ANAPC1: variants seen among roughly 807,000 people sequenced by gnomAD.
ANAPC1 encodes anaphase-promoting complex subunit 1.
ANAPC1 carries 36 observed loss-of-function variants against 208.0 expected under a neutral mutation model. That is an observed-to-expected ratio of 0.17 (90% CI 0.13 to 0.23). The LOEUF (loss-of-function observed/expected upper bound fraction) is 0.23, where lower values mean the gene tolerates loss of function less well. ANAPC1 is among the 10% of genes least tolerant of loss of function. ANAPC1 has a pLI of 1.00. For synonymous variants in ANAPC1, 378 were observed against 695.2 expected, an observed-to-expected ratio of 0.54 and a Z score of 7.18; for missense variants, 942 against 2,011.6, an observed-to-expected ratio of 0.47 and a Z score of 10.17.
rs151192849 is a variant in ANAPC1, at chr2:111,781,934, A to C, written c.5202+435T>G. ...CTAATAAAAGAAGTCTGAATCTGTC[A>C]TCAGTTTATCCTCACCAAGATTAAG... On this transcript the variant is annotated intron_variant, in intron 43 of 47. Transcript: ENST00000341068. 8.9e-3 allele frequency among the ~76,000 whole-genome samples: 1,353 copies of C among 152,316 alleles called. 3 individuals carry two copies. Among genetic ancestry groups the C allele is most frequent in the South Asian group, 0.026 (127 of 4,814 alleles).
intron 19 of ANAPC1, 138 bp downstream of exon 19, chr2:111,834,466 A>T: frequency 8.3e-7 from 1 of 1,201,058 alleles, no homozygotes; most frequent in Non-Finnish European, 1.1e-6. Context: ...TCTGTGGTTT[A>T]CAGAGATGCC....
At chr2:111,867,116 C>T (rs558817752) in intron 7 of ANAPC1, among the ~76,000 whole-genome samples, 4 of 151,806 alleles carry the variant, frequency 2.6e-5, no homozygotes, top group African/African-American at 9.7e-5. Flanking sequence ...CATGGTGAAA[C>T]TACGTCTCTA....
At chr2:111,785,833 T>A (rs1677516692) in intron 39 of ANAPC1, among the ~76,000 whole-genome samples, 2 of 146,202 alleles carry the variant, frequency 1.4e-5, no homozygotes, top group Non-Finnish European at 1.5e-5. Flanking sequence ...TCTGTTTTTA[T>A]CTTCTCAGAT....
intron 20 of ANAPC1, among the ~76,000 whole-genome samples, chr2:111,832,762 T>C (rs190781082): frequency 1.7e-3 from 257 of 151,774 alleles, no homozygotes; most frequent in Middle Eastern, 6.8e-3. Context: ...ACCTCGTCTC[T>C]AATAACAATA....
rs777172275 is a variant in ANAPC1 at position 111,772,438 on chromosome 2, C to T, written c.5622G>A (p.Gly1874=). 5.0e-6 allele frequency: 8 copies of T among 1,586,586 alleles called. No individual in the cohort carries two copies. The highest frequency in any genetic ancestry group is 6.9e-6 in the Non-Finnish European group (8 of 1,162,986). ...TCAGCTGTGATTCCTCCAAGGGCTG[C>T]CCGCTGAGGTAGGCGTGCACACACA... ...GDMCVHAYLS[G]QPLEESQLSM... is the part of the protein sequence containing the mutation. Residue 1874 remains glycine (G), a synonymous_variant, in exon 47 of 48, where the codon GGG becomes GGA. Transcript: ENST00000341068.
In ANAPC1 at chr2:111,858,803, T is replaced by C. The variant is rs1271829460; in HGVS notation, c.1263-402A>G. On this transcript the variant is annotated intron_variant, in intron 10 of 47. Coordinates refer to ENST00000341068, the MANE Select transcript of ANAPC1 (RefSeq NM_022662.4). ...AAAAAAAAAGTCTTTGAAAATATTC[T>C]GCAAGAAATCTAAAAACTACTTAGG... Among the ~76,000 whole-genome samples, 5 of 151,184 alleles carry C rather than the reference T, an allele frequency of 3.3e-5. No homozygotes were observed. The East Asian group carries it at 9.7e-4, about 29-fold the overall frequency.
At position 111,831,570 on chromosome 2, in the gene ANAPC1, TG is replaced by T. The variant is rs1343981344; in HGVS notation, c.2477-137del. ...ATAATATTTTTCCAGCTGGGTGCAG[TG>T]GCTCACGCCTGTAACCCCAGTACTT... On this transcript the variant is annotated intron_variant, in intron 20 of 47. Coordinates refer to ENST00000341068, the MANE Select transcript of ANAPC1 (RefSeq NM_022662.4). 71 of 812,710 alleles carry T rather than the reference TG, an allele frequency of 8.7e-5. 1 individual carries two copies. Among genetic ancestry groups the T allele is most frequent in the Admixed American group, 6.3e-4 (24 of 38,026 alleles). The allele number at this position is 812,710 out of a possible 1,614,324, so 50.3% of individuals were successfully genotyped here.
chr2:111,801,140 G>C (rs1406239186), intron 33 of ANAPC1, among the ~76,000 whole-genome samples: 2 of 151,932 alleles, frequency 1.3e-5, no homozygotes, highest in Non-Finnish European at 2.9e-5. Context: ...GCAGATCACT[G>C]AAGCCCAGGA....
intron 2 of ANAPC1, among the ~76,000 whole-genome samples, chr2:111,880,310 T>A (rs1268094898): frequency 2.6e-5 from 4 of 152,154 alleles, no homozygotes; most frequent in Admixed American, 1.3e-4. Flanking sequence ...AGGCAGAGGT[T>A]GCGGTGAGCC....
intron 16 of ANAPC1, among the ~76,000 whole-genome samples, chr2:111,845,824 A>C (rs944960062): frequency 6.6e-6 from 1 of 151,768 alleles, no homozygotes; most frequent in African/African-American, 2.4e-5. Context: ...AATACAAAAA[A>C]ATTAGCCGGG....
chr2:111,841,016 C>A (rs1433193007), intron 17 of ANAPC1, among the ~76,000 whole-genome samples: 4 of 152,152 alleles, frequency 2.6e-5, no homozygotes, highest in African/African-American at 9.7e-5. Flanking sequence ...GCATTCCAGC[C>A]TAGACGACAG....
At position 111,872,664 on chromosome 2, in the gene ANAPC1, C is replaced by T. The variant is rs368190060; in HGVS notation, c.577G>A (p.Ala193Thr). ...CCTGGAGGTACTTCATGTGAAGAAG[C>T]GCTTCGTTCAAACAGCAATCCATAT... ...TKYGLLFERS[A>T]SSHEVPPGSP... The change falls in exon 6 of 48, where the codon GCT (alanine) becomes ACT (threonine). Residue 193 changes from alanine to threonine, a missense_variant. Coordinates refer to ENST00000341068, the MANE Select transcript of ANAPC1 (RefSeq NM_022662.4). 28 of 1,613,452 alleles carry T rather than the reference C, an allele frequency of 1.7e-5. No homozygotes were observed. The highest frequency in any genetic ancestry group is 6.7e-5 in the African/African-American group (5 of 74,874).
At position 111,884,089 on chromosome 2, in the gene ANAPC1, T is replaced by G. The variant is rs3814026; in HGVS notation, c.-172A>C. ...CTCATTCCCTCTCCCTCCCCTATTCTGGAGGAAGAACGGGCAACAGCAGCG... is the reference window on the plus strand; with the variant it reads ...CTCATTCCCTCTCCCTCCCCTATTCGGGAGGAAGAACGGGCAACAGCAGCG... On this transcript the variant is annotated 5_prime_UTR_variant, in exon 1 of 48. Coordinates refer to ENST00000341068, the MANE Select transcript of ANAPC1 (RefSeq NM_022662.4). 1 of 152,264 alleles carries G rather than the reference T, an allele frequency of 6.6e-6. No homozygotes were observed. The highest frequency in any genetic ancestry group is 1.9e-4 in the East Asian group (1 of 5,160). The allele number at this position is 152,264 out of a possible 1,614,324, so 9.4% of individuals were successfully genotyped here.
chr2:111,769,988 G>A (rs1485489546), intron 47 of ANAPC1, among the ~76,000 whole-genome samples: 3 of 151,444 alleles, frequency 2.0e-5, no homozygotes, highest in Non-Finnish European at 4.4e-5. Flanking sequence ...AGCCTCGGCT[G>A]AGCATTCTTA....
In ANAPC1 at chr2:111,834,843, G is replaced by A; in HGVS notation, c.2145C>T (p.Tyr715=). 6.2e-7 allele frequency: 1 copy of A among 1,603,042 alleles called. No homozygotes were observed. The highest frequency in any genetic ancestry group is 1.3e-5 in the African/African-American group (1 of 74,486). Residue 715 remains tyrosine (Y), a synonymous_variant, in exon 19 of 48, where the codon TAC becomes TAT. Transcript: ENST00000341068. Reference sequence around the variant, plus strand: ...AAAGATGAGACTCAACATTCTGGTGGTAGTCTGAATTTAGTAAATATTCCC... The same window carrying A: ...AAAGATGAGACTCAACATTCTGGTGATAGTCTGAATTTAGTAAATATTCCC... ...DDWEYLLNSD[Y]HQNVESHLLN... is the part of the protein sequence containing the mutation.
chr2:111,781,887 A>G (rs1361609710), intron 43 of ANAPC1, among the ~76,000 whole-genome samples: 1 of 152,300 alleles, frequency 6.6e-6, no homozygotes, highest in Non-Finnish European at 1.5e-5. Context: ...GCAGTCGAGT[A>G]CTGTGCAAAT....
chr2:111,809,968 G>C (rs1271658563), intron 28 of ANAPC1, among the ~76,000 whole-genome samples: 10 of 144,272 alleles, frequency 6.9e-5, no homozygotes, highest in Non-Finnish European at 1.4e-4. Flanking sequence ...CATTACTCTT[G>C]AGTAATGAAA....
intron 1 of ANAPC1, among the ~76,000 whole-genome samples, chr2:111,883,713 GC>G (rs1250346981): frequency 6.6e-6 from 1 of 152,178 alleles, no homozygotes; most frequent in Non-Finnish European, 1.5e-5. Context: ...GCTACGCACA[GC>G]TCAGGAAAGA....
At chr2:111,866,809 A>G (rs1682447738) in intron 7 of ANAPC1, among the ~76,000 whole-genome samples, 1 of 151,752 alleles carries the variant, frequency 6.6e-6, no homozygotes, top group South Asian at 2.1e-4. Context: ...TTAAAAAAAA[A>G]AAAAAAAAAG....
Sources: allele counts gnomAD v4.1 joint callset (sites outside exome capture counted in the v4.1 genomes callset), GRCh38; gene constraint gnomAD v4.1.1; transcripts MANE v1.5; gene names NCBI Gene and HGNC (gene_info 2026-07-23, HGNC 2026-07-21).